The following SYN3 variants were observed in gnomAD, a reference collection of about 807,000 sequenced individuals.
SYN3 encodes synapsin III.
Under a neutral mutation model 65.8 loss-of-function variants are expected in SYN3, and 35 were observed. The ratio of observed to expected loss-of-function variants is 0.53; its 90% confidence interval spans 0.41 to 0.70. The LOEUF is 0.70. Among genes scored for constraint, SYN3 ranks in the 30% least tolerant of loss-of-function variants. The pLI is 0.00. For missense variants in SYN3, 680 were observed against 749.0 expected (o/e 0.91, Z 1.08); for synonymous variants, 270 against 292.9 (o/e 0.92, Z 0.80).
rs547468702 is a variant in SYN3, at chr22:32,869,700, T to G, written c.462-575A>C. Among the ~76,000 whole-genome samples, 18 of 137,348 alleles carry G rather than the reference T, an allele frequency of 1.3e-4. No individual in the cohort carries two copies. In the South Asian group the frequency reaches 3.8e-3, roughly 29 times the overall value. The allele number at this position is 137,348 out of a possible 152,430, so 90.1% of individuals were successfully genotyped here. ...AACCAACACATCTTGGTTTTTTTTT[T>G]TTTTTTTTTTTTCAAGTAGCAACCT... On this transcript the variant is annotated intron_variant, in intron 4 of 13. Coordinates refer to ENST00000358763, the MANE Select transcript of SYN3 (RefSeq NM_003490.4).
At chr22:32,874,872 C>T (rs966020007) in intron 4 of SYN3, among the ~76,000 whole-genome samples, 1 of 152,180 alleles carries the variant, frequency 6.6e-6, no homozygotes, top group Non-Finnish European at 1.5e-5. Flanking sequence ...AAAATTCAAC[C>T]TTGGGTATCA....
chr22:32,636,187 G>C (rs2059811698), intron 6 of SYN3, among the ~76,000 whole-genome samples: 1 of 150,982 alleles, frequency 6.6e-6, no homozygotes, highest in South Asian at 2.1e-4. Context: ...GGATCACAAG[G>C]TCAGGAGATT....
chr22:32,668,895 T>C (rs1440246455), intron 6 of SYN3, among the ~76,000 whole-genome samples: 2 of 152,232 alleles, frequency 1.3e-5, no homozygotes, highest in Non-Finnish European at 2.9e-5. Flanking sequence ...TGGTGCCCTG[T>C]GTTCTAGGAG....
At chr22:32,750,833 G>A (rs951151073) in intron 6 of SYN3, among the ~76,000 whole-genome samples, 1 of 152,112 alleles carries the variant, frequency 6.6e-6, no homozygotes, top group Non-Finnish European at 1.5e-5. Flanking sequence ...GGGGTCTAAG[G>A]CACAGTTGCC....
intron 1 of SYN3, among the ~76,000 whole-genome samples, chr22:33,039,551 C>T (rs2053925264): frequency 6.6e-6 from 1 of 152,022 alleles, no homozygotes; most frequent in Non-Finnish European, 1.5e-5. Context: ...CCTGCCACCA[C>T]ATCCGGCTAA....
At chr22:32,746,897 G>T (rs377093881) in intron 6 of SYN3, among the ~76,000 whole-genome samples, 2 of 152,176 alleles carry the variant, frequency 1.3e-5, no homozygotes, top group African/African-American at 4.8e-5. Flanking sequence ...AGGCTTAGCC[G>T]CCGGAGGCTT....
intron 3 of SYN3, among the ~76,000 whole-genome samples, chr22:32,935,932 T>A (rs1209156381): frequency 6.6e-6 from 1 of 152,232 alleles, no homozygotes; most frequent in Non-Finnish European, 1.5e-5. Flanking sequence ...ATAATATCTA[T>A]CTTTAAATGT....
intron 6 of SYN3, among the ~76,000 whole-genome samples, chr22:32,655,689 C>T (rs1474209350): frequency 6.6e-6 from 1 of 152,148 alleles, no homozygotes. Flanking sequence ...TCTCCCATCA[C>T]CCCCAGATGG....
chr22:32,693,568 T>C (rs1470137161), intron 6 of SYN3, among the ~76,000 whole-genome samples: 1 of 150,454 alleles, frequency 6.6e-6, no homozygotes, highest in East Asian at 2.0e-4. Flanking sequence ...AATCGGGTAA[T>C]ATAATATTAT....
chr22:32,793,244 G>A (rs999820885), intron 6 of SYN3, among the ~76,000 whole-genome samples: 1 of 152,150 alleles, frequency 6.6e-6, no homozygotes, highest in Non-Finnish European at 1.5e-5. Context: ...CTGGAGTGAC[G>A]GGAAGATGAT....
chr22:32,664,957 C>G (rs572951531), intron 6 of SYN3, among the ~76,000 whole-genome samples: 1 of 150,778 alleles, frequency 6.6e-6, no homozygotes, highest in Non-Finnish European at 1.5e-5. Flanking sequence ...CCTTTCCTCC[C>G]GAATCCCCAA....
At position 32,514,940 on chromosome 22, in the gene SYN3, C is replaced by A. The variant is rs369181119; in HGVS notation, c.1611-1116G>T. ...CTGAGGCAGGAGAATGGCATGAATCCTTGAGGCGGAGCTTGCAGTGAGCCG... is the reference window on the plus strand; with the variant it reads ...CTGAGGCAGGAGAATGGCATGAATCATTGAGGCGGAGCTTGCAGTGAGCCG... On this transcript the variant is annotated intron_variant, in intron 13 of 13. Coordinates refer to ENST00000358763, the MANE Select transcript of SYN3 (RefSeq NM_003490.4). Among the ~76,000 whole-genome samples, 9 of 152,178 alleles carry A rather than the reference C, an allele frequency of 5.9e-5. No homozygotes were observed. The East Asian group carries it at 1.4e-3, about 23-fold the overall frequency.
chr22:32,833,855 A>G (rs772472204), intron 6 of SYN3: 4 of 501,034 alleles, frequency 8.0e-6, no homozygotes, highest in Non-Finnish European at 1.6e-5. Flanking sequence ...CTGATCATGC[A>G]TGGAAAGTGC....
intron 13 of SYN3, chr22:32,514,360 C>A (rs140959955): frequency 6.6e-6 from 1 of 152,474 alleles, no homozygotes; most frequent in Non-Finnish European, 1.5e-5. Context: ...ATCTGTAGAG[C>A]GAAGGGTTTG....
chr22:32,864,460 A>C (rs191089158), intron 6 of SYN3: 44 of 156,676 alleles, frequency 2.8e-4, no homozygotes, highest in Admixed American at 9.3e-4. Context: ...CAGAAATTGG[A>C]AAGTGAAGAG....
chr22:32,957,969 G>A (rs1333334310), intron 3 of SYN3, among the ~76,000 whole-genome samples: 6 of 152,190 alleles, frequency 3.9e-5, no homozygotes, highest in Admixed American at 3.9e-4. Flanking sequence ...GCAAGGGACA[G>A]TGTCAGGGAA....
chr22:32,541,542 C>G (rs1291572091), intron 8 of SYN3, 29 bp downstream of exon 8: 11 of 1,612,836 alleles, frequency 6.8e-6, no homozygotes, highest in Non-Finnish European at 7.6e-6. Context: ...TCCTCCCACA[C>G]TCCCCCAGCC....
intron 6 of SYN3, among the ~76,000 whole-genome samples, chr22:32,675,878 G>C (rs1458561868): frequency 6.6e-6 from 1 of 152,168 alleles, no homozygotes; most frequent in Non-Finnish European, 1.5e-5. Flanking sequence ...GGAGCCCCAT[G>C]ATGGCCAGAA....
intron 6 of SYN3, among the ~76,000 whole-genome samples, chr22:32,723,997 C>G (rs572368878): frequency 8.8e-4 from 134 of 152,266 alleles, no homozygotes; most frequent in African/African-American, 3.0e-3. Flanking sequence ...AACAGGCTAC[C>G]AGCATTAGAC....
Sources: gnomAD v4.1 joint callset for allele counts (sites outside exome capture counted in the v4.1 genomes callset) on GRCh38, gnomAD v4.1.1 for gene constraint, MANE v1.5 for transcripts, NCBI Gene and HGNC (gene_info 2026-07-23, HGNC 2026-07-21) for gene names.